The following FSD1L variants were observed in gnomAD, a reference collection of about 807,000 sequenced individuals.
FSD1L encodes fibronectin type III and SPRY domain containing 1 like.
A neutral mutation model predicts 71.6 loss-of-function variants in FSD1L; 45 were observed. That is an observed-to-expected ratio of 0.63 (90% confidence interval 0.49 to 0.81). The LOEUF (loss-of-function observed/expected upper bound fraction) is 0.81. FSD1L is among the 30% of genes least tolerant of loss of function. The pLI is 0.00. For missense variants in FSD1L, 561 were observed against 618.1 expected, an observed-to-expected ratio of 0.91 and a Z score of 0.98; for synonymous variants, 197 against 207.2, an observed-to-expected ratio of 0.95 and a Z score of 0.42.
At chr9:105,494,519 T>G (rs1833208589) in intron 7 of FSD1L, among the ~76,000 whole-genome samples, 1 of 152,240 alleles carries the variant, frequency 6.6e-6, no homozygotes, top group African/African-American at 2.4e-5. Context: ...TCATTCTCCA[T>G]TCAGCTTTGC....
intron 7 of FSD1L, among the ~76,000 whole-genome samples, chr9:105,485,529 A>AGG (rs1832480661): frequency 9.0e-6 from 1 of 110,912 alleles, no homozygotes; most frequent in Non-Finnish European, 1.8e-5. Context: ...CCTTTTGGTT[A>AGG]GGTGTTTTTT....
intron 1 of FSD1L, among the ~76,000 whole-genome samples, chr9:105,455,656 C>G (rs1588912217): frequency 6.6e-6 from 1 of 152,306 alleles, no homozygotes; most frequent in Non-Finnish European, 1.5e-5. Flanking sequence ...GAATTTGAAT[C>G]ATGACTGCCA....
intron 6 of FSD1L, among the ~76,000 whole-genome samples, chr9:105,482,021 C>T (rs1409602773): frequency 6.6e-6 from 1 of 152,102 alleles, no homozygotes; most frequent in African/African-American, 2.4e-5. Context: ...GCTGTCCTCT[C>T]GCGTCAGCCT....
rs1457441241 is a variant in FSD1L, at chr9:105,461,601, A to G, written c.97A>G (p.Ile33Val). The G allele has an allele frequency of 3.9e-6, 6 of 1,549,482 alleles. No individual in the cohort carries two copies. Among genetic ancestry groups the G allele is most frequent in the South Asian group, 3.6e-5 (3 of 84,004 alleles). Reference sequence around the variant, plus strand: ...TAACATCACTATTGGACCAGAGTCTATTAACTTGCAGCAGGTTGGTAGCTC... The same window carrying G: ...TAACATCACTATTGGACCAGAGTCTGTTAACTTGCAGCAGGTTGGTAGCTC... ...ISNITIGPES[I>V]NLQQEALQRI... Residue 33 changes from isoleucine (I) to valine (V), a missense_variant, in exon 2 of 14, where the codon ATT becomes GTT. Ile to Val is a conservative substitution (Grantham distance 29, BLOSUM62 3). Around this residue, in one of 3 missense-constraint regions of FSD1L, gnomAD observed 410 missense variants for 413.5 expected, o/e 0.99. Transcript: ENST00000481272.
At chr9:105,467,463 A>G (rs1023703713) in intron 3 of FSD1L, among the ~76,000 whole-genome samples, 4 of 152,140 alleles carry the variant, frequency 2.6e-5, no homozygotes, top group African/African-American at 9.7e-5. Context: ...AATAGCAGCA[A>G]ATATAGCAAT....
At chr9:105,520,672 A>G in intron 10 of FSD1L, 2 of 1,613,364 alleles carry the variant, frequency 1.2e-6, no homozygotes, top group East Asian at 2.2e-5. Context: ...CAAGCTCTTC[A>G]GAATAACTGT....
At chr9:105,525,960 T>C (rs1002822432) in intron 10 of FSD1L, 2 of 1,571,066 alleles carry the variant, frequency 1.3e-6, no homozygotes, top group African/African-American at 1.3e-5. Flanking sequence ...TGGGAAATGA[T>C]GAAGTGCACA....
At chr9:105,464,056 T>C (rs1830896281) in intron 2 of FSD1L, among the ~76,000 whole-genome samples, 180 bp from the exon 3 acceptor site, 1 of 152,188 alleles carries the variant, frequency 6.6e-6, no homozygotes, top group Non-Finnish European at 1.5e-5. Flanking sequence ...ACAGTACAAA[T>C]ATATACCCCA....
At chr9:105,510,637 C>T (rs1834338598) in intron 9 of FSD1L, among the ~76,000 whole-genome samples, 1 of 152,134 alleles carries the variant, frequency 6.6e-6, no homozygotes, top group Admixed American at 6.6e-5. Flanking sequence ...TACTTCTGCC[C>T]TCCAACATAT....
chr9:105,546,697 T>C lies in FSD1L; in HGVS notation c.*214T>C. The stretch of plus-strand genomic sequence containing the variant: ...AAGCAGATACCAAGCAAAAAACTGA[T>C]GATTGAAGAGTAAATGGGGGAAAAG... On this transcript the variant is annotated 3_prime_UTR_variant, in exon 14 of 14. Transcript: ENST00000481272. 2.9e-6 allele frequency: 1 copy of C among 343,416 alleles called. No homozygotes were observed. The highest frequency in any genetic ancestry group is 2.1e-5 in the African/African-American group (1 of 47,208). The allele number at this position is 343,416 out of a possible 1,614,324, so 21.3% of individuals were successfully genotyped here.
Position 105,516,349 on chromosome 9 carries a change from A to C in FSD1L, c.1025+3413A>C, listed in dbSNP as rs576627595. Among the ~76,000 whole-genome samples, 16 of 152,316 alleles carry C rather than the reference A, an allele frequency of 1.1e-4. 1 individual carries two copies. The South Asian group carries it at 3.3e-3, about 32-fold the overall frequency. On this transcript the variant is annotated intron_variant, in intron 10 of 13. Coordinates refer to ENST00000481272, the MANE Select transcript of FSD1L (RefSeq NM_001145313.3). Reference sequence around the variant, plus strand: ...CAGAGTTCAAGCTCTGCTAAGGGTCAGACTGCCTCCTCAAGTGGGTCCTTG... The same window carrying C: ...CAGAGTTCAAGCTCTGCTAAGGGTCCGACTGCCTCCTCAAGTGGGTCCTTG...
intron 5 of FSD1L, chr9:105,472,445 A>T (rs1292798764): frequency 6.4e-6 from 1 of 155,540 alleles, no homozygotes; most frequent in Non-Finnish European, 1.4e-5. Flanking sequence ...TTTAACTTAG[A>T]TCCTGGTGTT....
At chr9:105,500,023 G>T (rs2131332942) in intron 7 of FSD1L, among the ~76,000 whole-genome samples, 1 of 152,260 alleles carries the variant, frequency 6.6e-6, no homozygotes, top group Admixed American at 6.5e-5. Context: ...TTTCTTTGCG[G>T]TTTTTTCTTA....
At chr9:105,495,902 G>T (rs191329412) in intron 7 of FSD1L, among the ~76,000 whole-genome samples, 1 of 151,784 alleles carries the variant, frequency 6.6e-6, no homozygotes, top group Non-Finnish European at 1.5e-5. Flanking sequence ...AACCCGGGAG[G>T]CGGAGCTTGC....
rs1298931526 is a variant in FSD1L at position 105,550,586 on chromosome 9, A to G, written c.*4103A>G. The stretch of plus-strand genomic sequence containing the variant: ...TATTTGTGATCCTGATATGTCACAT[A>G]TAATAGCTTTGTTACCTGGAGTATT... On this transcript the variant is annotated 3_prime_UTR_variant, in exon 14 of 14. Coordinates refer to ENST00000481272, the MANE Select transcript of FSD1L (RefSeq NM_001145313.3). 2 of 152,082 alleles carry G rather than the reference A, an allele frequency of 1.3e-5. No individual in the cohort carries two copies. Among genetic ancestry groups the G allele is most frequent in the East Asian group, 1.9e-4 (1 of 5,204 alleles). 9.4% of individuals were successfully genotyped at this position (152,082 alleles called of 1,614,324 possible).
At chr9:105,515,338 T>C (rs1834646049) in intron 10 of FSD1L, among the ~76,000 whole-genome samples, 3 of 152,250 alleles carry the variant, frequency 2.0e-5, no homozygotes, top group African/African-American at 4.8e-5. Flanking sequence ...TTTGCCAAAT[T>C]AAGAAAACGC....
chr9:105,524,136 T>C (rs1835355694), intron 10 of FSD1L: 2 of 1,612,146 alleles, frequency 1.2e-6, no homozygotes, highest in African/African-American at 1.3e-5. Flanking sequence ...TGTAGCACTT[T>C]GTAGTTTAGG....
intron 7 of FSD1L, among the ~76,000 whole-genome samples, chr9:105,493,533 T>A (rs1230614142): frequency 1.3e-5 from 2 of 152,198 alleles, no homozygotes; most frequent in African/African-American, 2.4e-5. Flanking sequence ...GTGAATTTGA[T>A]CCTGTCATTA....
chr9:105,513,477 TGTGA>T (rs1264801837), intron 10 of FSD1L: 1 of 593,820 alleles, frequency 1.7e-6, no homozygotes, highest in African/African-American at 1.9e-5. Flanking sequence ...TAAATGCCAT[TGTGA>T]GTTACAGTAA....
Sources: gnomAD v4.1 joint callset for allele counts (sites outside exome capture counted in the v4.1 genomes callset) on GRCh38, gnomAD v4.1.1 for gene constraint, gnomAD v4.1.1 regional missense constraint, MANE v1.5 for transcripts, NCBI Gene and HGNC (gene_info 2026-07-23, HGNC 2026-07-21) for gene names.